The following TSHZ2 variants were observed in gnomAD, a reference collection of about 807,000 sequenced individuals.
The protein encoded by TSHZ2 is teashirt zinc finger homeobox 2.
TSHZ2 carries 21 observed loss-of-function variants against 74.4 expected under a neutral mutation model. The ratio of observed to expected loss-of-function variants is 0.28; its 90% CI spans 0.20 to 0.41. TSHZ2 has a LOEUF of 0.41. TSHZ2 is among the 10% of genes least tolerant of loss of function. TSHZ2 has a pLI of 1.00. For synonymous variants in TSHZ2, 540 were observed against 515.3 expected (o/e 1.05, Z -0.65); for missense variants, 1,244 against 1,293.5 (o/e 0.96, Z 0.59).
intron 1 of TSHZ2, among the ~76,000 whole-genome samples, chr20:53,236,607 A>G (rs1340293273): frequency 6.6e-6 from 1 of 152,232 alleles, no homozygotes; most frequent in Non-Finnish European, 1.5e-5. Context: ...CTTCAAAGCT[A>G]GATTCAATCA....
At chr20:53,082,220 T>A (rs1340886628) in intron 1 of TSHZ2, among the ~76,000 whole-genome samples, 3 of 152,224 alleles carry the variant, frequency 2.0e-5, no homozygotes, top group African/African-American at 7.2e-5. Flanking sequence ...TATGTATTTT[T>A]AAATCATGTG....
intron 2 of TSHZ2, among the ~76,000 whole-genome samples, chr20:53,479,739 C>T (rs1325239351): frequency 2.0e-5 from 3 of 152,172 alleles, no homozygotes; most frequent in African/African-American, 7.2e-5. Flanking sequence ...GCCCAATGGG[C>T]ATTTGACAGT....
intron 1 of TSHZ2, among the ~76,000 whole-genome samples, chr20:53,063,625 TTAAGTGAATTG>T (rs1213610940): frequency 1.3e-5 from 2 of 152,220 alleles, no homozygotes; most frequent in Admixed American, 6.5e-5. Context: ...TCATCTTTTC[TTAAGTGAATTG>T]TAAGTGAATA....
intron 1 of TSHZ2, among the ~76,000 whole-genome samples, chr20:53,253,224 G>C (rs1283039850): frequency 1.5e-5 from 2 of 137,798 alleles, no homozygotes; most frequent in Non-Finnish European, 3.1e-5. Context: ...AGGAATATTA[G>C]AAAGATATTC....
At chr20:53,458,107 T>C (rs1985184700) in intron 2 of TSHZ2, among the ~76,000 whole-genome samples, 2 of 151,958 alleles carry the variant, frequency 1.3e-5, no homozygotes, top group Admixed American at 1.3e-4. Context: ...TGTTTTTCTA[T>C]TGATTGGAAT....
At chr20:52,977,934 T>A (rs983042380) in intron 1 of TSHZ2, among the ~76,000 whole-genome samples, 8 of 152,078 alleles carry the variant, frequency 5.3e-5, no homozygotes, top group African/African-American at 1.9e-4. Flanking sequence ...TCAGAAACAG[T>A]CTACATTTTT....
intron 2 of TSHZ2, among the ~76,000 whole-genome samples, chr20:53,392,482 G>C (rs974582033): frequency 6.6e-6 from 1 of 152,116 alleles, no homozygotes; most frequent in Non-Finnish European, 1.5e-5. Context: ...TCATTCTGAA[G>C]GGTTTTCATG....
At chr20:53,404,528 C>T (rs941109930) in intron 2 of TSHZ2, among the ~76,000 whole-genome samples, 12 of 152,220 alleles carry the variant, frequency 7.9e-5, no homozygotes, top group African/African-American at 2.9e-4. Flanking sequence ...TTAATGAAAG[C>T]GTTGGGTTTC....
intron 2 of TSHZ2, among the ~76,000 whole-genome samples, chr20:53,264,337 G>C (rs1435381957): frequency 6.6e-6 from 1 of 152,216 alleles, no homozygotes; most frequent in Non-Finnish European, 1.5e-5. Flanking sequence ...AGGTAGTGGA[G>C]CTGAGACTCC....
At position 53,303,755 on chromosome 20, in the gene TSHZ2, T is replaced by C. The variant is rs181066666; in HGVS notation, c.*8+47184T>C. On this transcript the variant is annotated intron_variant, in intron 2 of 2. Transcript: ENST00000371497. The stretch of plus-strand genomic sequence containing the variant: ...GCCTCTCTGTTCTTCAGTTTCCCCA[T>C]CTGTGAAATGGAGAAAATAATAGGT... 1.3e-3 allele frequency among the ~76,000 whole-genome samples: 204 copies of C among 152,370 alleles called. 1 individual carries two copies. Among genetic ancestry groups the C allele is most frequent in the Non-Finnish European group, 1.9e-3 (127 of 68,034 alleles).
intron 2 of TSHZ2, among the ~76,000 whole-genome samples, chr20:53,364,474 A>C (rs1456091515): frequency 2.0e-5 from 3 of 151,528 alleles, no homozygotes; most frequent in Non-Finnish European, 4.4e-5. Flanking sequence ...AATGACAGGA[A>C]GGGAAGGAGA....
At chr20:53,108,999 C>T (rs1309522591) in intron 1 of TSHZ2, among the ~76,000 whole-genome samples, 1 of 152,072 alleles carries the variant, frequency 6.6e-6, no homozygotes, top group Non-Finnish European at 1.5e-5. Context: ...GGGATTTTTT[C>T]ATTATCTCTT....
chr20:52,989,996 G>T (rs1222757393), intron 1 of TSHZ2, among the ~76,000 whole-genome samples: 2 of 151,386 alleles, frequency 1.3e-5, no homozygotes, highest in Non-Finnish European at 2.9e-5. Flanking sequence ...TATGTGCTTT[G>T]TAATATTCCA....
intron 2 of TSHZ2, among the ~76,000 whole-genome samples, chr20:53,318,647 G>A (rs922374139): frequency 6.6e-6 from 1 of 152,194 alleles, no homozygotes; most frequent in African/African-American, 2.4e-5. Flanking sequence ...GAGAAGAAGG[G>A]ACAGTTGCTA....
intron 1 of TSHZ2, among the ~76,000 whole-genome samples, chr20:53,183,027 G>A (rs1019261452): frequency 1.1e-4 from 16 of 152,172 alleles, no homozygotes; most frequent in African/African-American, 3.9e-4. Context: ...GGTGTACTGA[G>A]CAAAAGACAT....
rs1373550347 is a variant in TSHZ2 at position 53,441,271 on chromosome 20, T to TTTTAA, written c.*9-45869_*9-45868insATTTA. Among the ~76,000 whole-genome samples, 370 of 145,218 alleles carry TTTTAA rather than the reference T, an allele frequency of 2.5e-3. 4 individuals carry two copies. Among genetic ancestry groups the TTTTAA allele is most frequent in the African/African-American group, 9.3e-3 (357 of 38,486 alleles). On this transcript the variant is annotated intron_variant, in intron 2 of 2. Coordinates refer to ENST00000371497, the MANE Select transcript of TSHZ2 (RefSeq NM_173485.6). ...TTTTATTTTATTTTATTTTATTTTA[T>TTTTAA]TTTATTTATTTTGAGATGGAGTCTC...
At chr20:53,465,333 C>T (rs866469727) in intron 2 of TSHZ2, among the ~76,000 whole-genome samples, 4 of 152,228 alleles carry the variant, frequency 2.6e-5, no homozygotes, top group Middle Eastern at 3.4e-3. Flanking sequence ...TGCAATGGCG[C>T]GATCTTGGCT....
In TSHZ2 at chr20:53,283,603, GA is replaced by G. The variant is rs569007984; in HGVS notation, c.*8+27034del. On this transcript the variant is annotated intron_variant, in intron 2 of 2. Coordinates refer to ENST00000371497, the MANE Select transcript of TSHZ2 (RefSeq NM_173485.6). ...AAAAAAGGAAAAAATAAAATAGTAA[GA>G]AGAATAAACATATACTGAAAGCTTA... Among the ~76,000 whole-genome samples, 441 of 152,324 alleles carry G rather than the reference GA, an allele frequency of 2.9e-3. 4 individuals carry two copies. The highest frequency in any genetic ancestry group is 0.01 in the African/African-American group (421 of 41,582).
chr20:53,428,013 C>G (rs1983717189), intron 2 of TSHZ2, among the ~76,000 whole-genome samples: 1 of 152,194 alleles, frequency 6.6e-6, no homozygotes, highest in Admixed American at 6.5e-5. Flanking sequence ...TTGGCACACT[C>G]TGGACTCTAC....
Sources: gnomAD v4.1 joint callset for allele counts (sites outside exome capture counted in the v4.1 genomes callset) on GRCh38, gnomAD v4.1.1 for gene constraint, MANE v1.5 for transcripts, NCBI Gene and HGNC (gene_info 2026-07-23, HGNC 2026-07-21) for gene names.